The following LAMP2 variants were observed in gnomAD, a reference collection of about 807,000 sequenced individuals.
LAMP2 encodes the protein lysosome associated membrane protein 2, also known as lysosome-associated membrane glycoprotein 2.
In LAMP2, 4 loss-of-function variants were observed where a neutral mutation model predicts 25.6. That is an observed-to-expected ratio of 0.16 (90% CI 0.08 to 0.36). The LOEUF is 0.36. Among genes scored for constraint, LAMP2 ranks in the 10% least tolerant of loss-of-function variants. The probability of loss-of-function intolerance (pLI) is 1.00; values close to 1 mark genes in which losing one functional copy is unlikely to be tolerated. For synonymous variants in LAMP2, 108 were observed against 112.7 expected, an observed-to-expected ratio of 0.96 and a Z score of 0.27; for missense variants, 272 against 301.4, an observed-to-expected ratio of 0.90 and a Z score of 0.72.
In LAMP2 at chrX:120,428,682, T is replaced by C. The variant is rs2058508482; in HGVS notation, c.*2641A>G. ...GAAATTAGCAAAGAATGCAATTAAG[T>C]AGTAAAAAGCATGCAAGAAACATGC... On this transcript the variant is annotated 3_prime_UTR_variant, in exon 9 of 9. Transcript: ENST00000200639. 4.5e-6 allele frequency: 5 copies of C among 1,120,674 alleles called. No homozygotes were observed. The highest frequency in any genetic ancestry group is 2.3e-5 in the South Asian group (1 of 43,267). 92.4% of individuals were successfully genotyped at this position (1,120,674 alleles called of 1,213,427 possible).
At position 120,429,279 on chromosome X, in the gene LAMP2, G is replaced by C; in HGVS notation, c.*2044C>G. 3 of 746,078 alleles carry C rather than the reference G, an allele frequency of 4.0e-6. No individual in the cohort carries two copies. The highest frequency in any genetic ancestry group is 4.7e-6 in the Non-Finnish European group (3 of 636,910). 61.5% of individuals were successfully genotyped at this position (746,078 alleles called of 1,213,427 possible). Reference sequence around the variant, plus strand: ...CACCGAACCACCAGGAAAGCAACATGTGCAATGTAGATTTTGAGTTCTGGA... The same window carrying C: ...CACCGAACCACCAGGAAAGCAACATCTGCAATGTAGATTTTGAGTTCTGGA... On this transcript the variant is annotated 3_prime_UTR_variant, in exon 9 of 9. Coordinates refer to ENST00000200639, the MANE Select transcript of LAMP2 (RefSeq NM_002294.3).
chrX:120,438,731 C>CA (rs1556088505), intron 8 of LAMP2: 1 of 579,464 alleles, frequency 1.7e-6, no homozygotes, highest in East Asian at 1.4e-4. Flanking sequence ...CACACACACA[C>CA]AAAAAGAGCA....
chrX:120,443,700 C>T (rs777388372), intron 6 of LAMP2, among the ~76,000 whole-genome samples: 24 of 111,963 alleles, frequency 2.1e-4, no homozygotes, highest in Non-Finnish European at 4.1e-4. Flanking sequence ...TTGAACTACC[C>T]AGCCATGGAC....
At chrX:120,468,049 C>A (rs1477572272) in intron 1 of LAMP2, among the ~76,000 whole-genome samples, 1 of 111,957 alleles carries the variant, frequency 8.9e-6, no homozygotes, top group East Asian at 2.8e-4. Flanking sequence ...AGGCATGAGC[C>A]ACCACGCCCG....
At chrX:120,436,752 A>G (rs2058546683) in intron 8 of LAMP2, 24 of 703,864 alleles carry the variant, frequency 3.4e-5, no homozygotes, top group Non-Finnish European at 4.0e-5. Context: ...ACATGTAGCT[A>G]TAGGAAATAA....
chrX:120,442,045 C>T (rs2147279088), intron 7 of LAMP2, 151 bp from the exon 8 acceptor site: 1 of 485,048 alleles, frequency 2.1e-6, no homozygotes, highest in South Asian at 3.0e-5. Flanking sequence ...TCAAGACCAG[C>T]CTGGGCAACA....
In LAMP2 at chrX:120,468,637, A is replaced by G. The variant is rs184307994; in HGVS notation, c.64+469T>C. The stretch of plus-strand genomic sequence containing the variant: ...GTCCCCCACCCACACACTTCTCCCA[A>G]GCTACTCCAGGCAGGCATGGTCTTC... On this transcript the variant is annotated intron_variant, in intron 1 of 8. Transcript: ENST00000200639. Among the ~76,000 whole-genome samples, 247 of 110,018 alleles carry G rather than the reference A, an allele frequency of 2.2e-3. 1 individual carries two copies. The highest frequency in any genetic ancestry group is 4.6e-3 in the Middle Eastern group (1 of 218).
intron 8 of LAMP2, chrX:120,436,965 T>A (rs913213611): frequency 6.7e-6 from 5 of 749,597 alleles, no homozygotes; most frequent in Admixed American, 1.8e-4. Flanking sequence ...TAAAGCTGCT[T>A]TGTTTTGACT....
chrX:120,447,786 C>G, intron 5 of LAMP2, 55 bp downstream of exon 5: 2 of 1,011,636 alleles, frequency 2.0e-6, no homozygotes, highest in Admixed American at 4.4e-5. Flanking sequence ...GTAGGATACG[C>G]AATATTTGAA....
In LAMP2 at chrX:120,449,082, A is replaced by G; in HGVS notation, c.444T>C (p.Asn148=). The G allele has an allele frequency of 8.3e-7, 1 of 1,202,875 alleles. No homozygotes were observed. Among genetic ancestry groups the G allele is most frequent in the South Asian group, 1.8e-5 (1 of 56,575 alleles). The change falls in exon 4 of 9, where the codon AAT becomes AAC. Residue 148 remains asparagine (N), a synonymous_variant. Coordinates refer to ENST00000200639, the MANE Select transcript of LAMP2 (RefSeq NM_002294.3). ...DELLAIRIPL[N]DLFRCNSLST... ...ATAAACTATTGCATCTAAAAAGGTC[A>G]TTCAATGGAATTCTGATGGCCAAAA...
intron 2 of LAMP2, among the ~76,000 whole-genome samples, chrX:120,455,975 C>A (rs964609548): frequency 9.9e-6 from 1 of 101,415 alleles, no homozygotes; most frequent in Non-Finnish European, 2.0e-5. Context: ...TAGGTTGGTG[C>A]AAAAGTAATT....
rs190631849 is a variant in LAMP2, at chrX:120,432,103, A to G, written c.1094-641T>C. On this transcript the variant is annotated intron_variant, in intron 8 of 8. Coordinates refer to ENST00000200639, the MANE Select transcript of LAMP2 (RefSeq NM_002294.3). ...TGGAAAAATTTCAGAGGCACACTCAAGTTCAGCCTTATTACATAAGACACA... is the reference window on the plus strand; with the variant it reads ...TGGAAAAATTTCAGAGGCACACTCAGGTTCAGCCTTATTACATAAGACACA... Among the ~76,000 whole-genome samples the G allele has an allele frequency of 3.3e-4, 37 of 111,655 alleles. No homozygotes were observed. The Middle Eastern group carries it at 0.028, about 83-fold the overall frequency.
At chrX:120,432,756 C>T (rs906426616) in intron 8 of LAMP2, among the ~76,000 whole-genome samples, 1 of 110,651 alleles carries the variant, frequency 9.0e-6, no homozygotes, top group Non-Finnish European at 1.9e-5. Flanking sequence ...AAAAAGGATA[C>T]GTGGAAGAGA....
At chrX:120,462,693 A>G (rs1921371162) in intron 1 of LAMP2, among the ~76,000 whole-genome samples, 1 of 110,827 alleles carries the variant, frequency 9.0e-6, no homozygotes, top group African/African-American at 3.3e-5. Context: ...ATAAAACAAA[A>G]CCAATAAAAA....
intron 8 of LAMP2, chrX:120,438,515 C>G (rs1388445033): frequency 1.4e-6 from 1 of 740,322 alleles, no homozygotes; most frequent in African/African-American, 2.3e-5. Context: ...TTTTAAAAAG[C>G]TTTTGTATCT....
chrX:120,452,626 C>T (rs1209504027), intron 3 of LAMP2, among the ~76,000 whole-genome samples: 3 of 109,184 alleles, frequency 2.7e-5, no homozygotes, highest in African/African-American at 1.0e-4. Flanking sequence ...TCACAGCTCA[C>T]TGGAGCCTCA....
intron 8 of LAMP2, among the ~76,000 whole-genome samples, chrX:120,431,796 G>A (rs187391088): frequency 7.9e-4 from 89 of 112,399 alleles, no homozygotes; most frequent in Admixed American, 4.9e-3. Context: ...TGAGCTTTCA[G>A]AGGCAAACTG....
intron 1 of LAMP2, among the ~76,000 whole-genome samples, chrX:120,463,715 C>G (rs756689624): frequency 1.8e-5 from 2 of 110,883 alleles, no homozygotes; most frequent in African/African-American, 6.6e-5. Flanking sequence ...TATCTATAAC[C>G]CTATCAGATG....
chrX:120,437,424 A>C lies in LAMP2; in HGVS notation c.1093+4306T>G, dbSNP rs1366018656. On this transcript the variant is annotated intron_variant, in intron 8 of 8. Transcript: ENST00000200639. ...CATAATCCCACCACAAAAAAAAAAA[A>C]AACACGAAAAAACAACCCCACAGGA... is the stretch of plus-strand genomic sequence containing the variant. The C allele has an allele frequency of 1.6e-5, 12 of 745,580 alleles. No individual in the cohort carries two copies. The South Asian group carries it at 6.9e-4, about 43-fold the overall frequency. The allele number at this position is 745,580 out of a possible 1,213,427, so 61.4% of individuals were successfully genotyped here.
Sources: gnomAD v4.1 joint callset for allele counts (sites outside exome capture counted in the v4.1 genomes callset) on GRCh38, gnomAD v4.1.1 for gene constraint, MANE v1.5 for transcripts, NCBI Gene and HGNC (gene_info 2026-07-23, HGNC 2026-07-21) for gene names.